FAT3: variants seen among roughly 807,000 people sequenced by gnomAD.
FAT3 encodes protocadherin Fat 3.
Under a neutral mutation model 310.2 loss-of-function variants are expected in FAT3, and 95 were observed. The observed-to-expected ratio is 0.31, with a 90% CI of 0.26 to 0.36. FAT3 has a LOEUF of 0.36. Among genes scored for constraint, FAT3 ranks in the 10% least tolerant of loss-of-function variants. The pLI is 1.00. For missense variants in FAT3, 5,408 were observed against 5,715.6 expected, an observed-to-expected ratio of 0.95 and a Z score of 1.74; for synonymous variants, 2,314 against 2,192.9, an observed-to-expected ratio of 1.06 and a Z score of -1.54.
intron 19 of FAT3, among the ~76,000 whole-genome samples, chr11:92,845,674 T>C (rs1948667515): frequency 6.6e-6 from 1 of 152,174 alleles, no homozygotes; most frequent in African/African-American, 2.4e-5. Flanking sequence ...ACTGCCCCCT[T>C]CTAAGAAAAT....
intron 3 of FAT3, among the ~76,000 whole-genome samples, chr11:92,555,422 G>A (rs1274828104): frequency 2.0e-5 from 3 of 152,196 alleles, no homozygotes; most frequent in African/African-American, 7.2e-5. Flanking sequence ...GTGGTTATTT[G>A]AAGATGTTTT....
In FAT3 at chr11:92,353,045, G is replaced by T; in HGVS notation, c.933G>T (p.Gln311His). ...TTGTGGCTGGGGATCCTTTAGATCA[G>T]TTCTTCCTGGCTAAGGAAGGAAAGT... ...VSIVAGDPLD[Q>H]FFLAKEGKWL... is the part of the protein sequence containing the mutation. Residue 311 changes from glutamine to histidine, a missense_variant, in exon 2 of 28, where the codon CAG becomes CAT. Around this residue, in one of 5 missense-constraint regions of FAT3, gnomAD observed 4,588 missense variants for 4,809.8 expected, o/e 0.95. Coordinates refer to ENST00000525166, the MANE Select transcript of FAT3 (RefSeq NM_001367949.2). 6.2e-7 allele frequency: 1 copy of T among 1,613,734 alleles called. No individual in the cohort carries two copies. Among genetic ancestry groups the T allele is most frequent in the Non-Finnish European group, 8.5e-7 (1 of 1,179,860 alleles).
chr11:92,544,136 G>C (rs1954543411), intron 3 of FAT3, among the ~76,000 whole-genome samples: 1 of 152,120 alleles, frequency 6.6e-6, no homozygotes, highest in Non-Finnish European at 1.5e-5. Flanking sequence ...TATTGGTTCT[G>C]TTTTGGGGCA....
At chr11:92,699,523 C>T (rs1337848931) in intron 4 of FAT3, among the ~76,000 whole-genome samples, 1 of 152,058 alleles carries the variant, frequency 6.6e-6, no homozygotes, top group Non-Finnish European at 1.5e-5. Context: ...GCTTGGGATT[C>T]GAAATGTTTA....
intron 3 of FAT3, among the ~76,000 whole-genome samples, chr11:92,668,330 A>C (rs1230966546): frequency 6.6e-6 from 1 of 152,254 alleles, no homozygotes; most frequent in Admixed American, 6.5e-5. Flanking sequence ...TATTCTGCAC[A>C]TAAAATAGAA....
At position 92,810,083 on chromosome 11, in the gene FAT3, C is replaced by T. The variant is rs1565616282; in HGVS notation, c.9481+7C>T. On this transcript the variant is annotated splice_region_variant and intron_variant, in intron 13 of 27. Coordinates refer to ENST00000525166, the MANE Select transcript of FAT3 (RefSeq NM_001367949.2). ...GCCGTGGACCCCGACATTGGTAAGT[C>T]AGTTGCAGGCATCTCCCTGTCACAC... The T allele has an allele frequency of 1.9e-6, 3 of 1,611,706 alleles. No homozygotes were observed. Among genetic ancestry groups the T allele is most frequent in the Middle Eastern group, 1.7e-4 (1 of 6,042 alleles).
intron 2 of FAT3, among the ~76,000 whole-genome samples, chr11:92,418,025 T>C (rs922309655): frequency 3.3e-5 from 5 of 152,194 alleles, no homozygotes; most frequent in African/African-American, 1.2e-4. Flanking sequence ...GTGGGAATTC[T>C]AGTCTCCTCA....
rs1949726157 is a variant in FAT3 at position 92,883,511 on chromosome 11, T to A, written c.12937+118T>A. ...CGCATGCAGAGCATTCGCTATGACA[T>A]GTGCTGATGTCGAATGTGCACACCA... On this transcript the variant is annotated intron_variant, in intron 24 of 27. Transcript: ENST00000525166. The surrounding 1 kb of genome is among the most constrained non-coding windows in gnomAD (Gnocchi z 4.2). The A allele has an allele frequency of 7.6e-7, 1 of 1,315,054 alleles. No homozygotes were observed. Among genetic ancestry groups the A allele is most frequent in the Admixed American group, 2.8e-5 (1 of 35,956 alleles). 81.5% of individuals were successfully genotyped at this position (1,315,054 alleles called of 1,614,324 possible).
chr11:92,710,449 A>G (rs1281012828), intron 4 of FAT3, among the ~76,000 whole-genome samples: 1 of 152,208 alleles, frequency 6.6e-6, no homozygotes, highest in Non-Finnish European at 1.5e-5. Flanking sequence ...TCTTCTCATT[A>G]GGTGAGAAAG....
intron 1 of FAT3, among the ~76,000 whole-genome samples, chr11:92,315,512 T>TATATATATAGAG (rs1353970811): frequency 3.9e-4 from 22 of 56,172 alleles, no homozygotes; most frequent in Non-Finnish European, 6.3e-4. Context: ...TATATATATA[T>TATATATATAGAG]AGAGAGAGAG....
At chr11:92,666,880 A>G (rs2071208543) in intron 3 of FAT3, among the ~76,000 whole-genome samples, 1 of 152,126 alleles carries the variant, frequency 6.6e-6, no homozygotes, top group Non-Finnish European at 1.5e-5. Context: ...CACACATCCC[A>G]TCTCCTCACA....
At chr11:92,249,852 G>A (rs1347297208) in intron 1 of FAT3, among the ~76,000 whole-genome samples, 1 of 151,996 alleles carries the variant, frequency 6.6e-6, no homozygotes, top group Non-Finnish European at 1.5e-5. Flanking sequence ...CCAAGAAGAG[G>A]ATTTAATATT....
intron 3 of FAT3, among the ~76,000 whole-genome samples, chr11:92,690,438 A>G (rs917195378): frequency 6.6e-6 from 1 of 152,206 alleles, no homozygotes; most frequent in African/African-American, 2.4e-5. Flanking sequence ...TAGCAGCACC[A>G]TGTGCTCAAT....
chr11:92,820,580 G>A (rs1947941230), intron 13 of FAT3, among the ~76,000 whole-genome samples: 1 of 152,066 alleles, frequency 6.6e-6, no homozygotes, highest in South Asian at 2.1e-4. Flanking sequence ...AGGCTCACAT[G>A]GTGAGGGGTC....
intron 2 of FAT3, among the ~76,000 whole-genome samples, chr11:92,417,902 A>G (rs552382174): frequency 6.6e-6 from 1 of 152,326 alleles, no homozygotes; most frequent in Non-Finnish European, 1.5e-5. Flanking sequence ...CCTTAAACTT[A>G]GGAGAGGACA....
intron 3 of FAT3, among the ~76,000 whole-genome samples, chr11:92,606,997 A>G (rs1940332190): frequency 6.6e-6 from 1 of 152,168 alleles, no homozygotes; most frequent in South Asian, 2.1e-4. Flanking sequence ...CTGCATCTTC[A>G]TCTTCTCTGT....
chr11:92,670,907 C>T (rs1943107838), intron 3 of FAT3, among the ~76,000 whole-genome samples: 2 of 152,022 alleles, frequency 1.3e-5, no homozygotes, highest in South Asian at 4.2e-4. Context: ...TCACTCCTTT[C>T]CTCAAAAACC....
intron 1 of FAT3, among the ~76,000 whole-genome samples, chr11:92,283,828 C>T (rs1050085402): frequency 5.9e-5 from 9 of 151,948 alleles, no homozygotes; most frequent in East Asian, 3.9e-4. Context: ...CTTGAGATGC[C>T]GCACCAGACA....
intron 19 of FAT3, among the ~76,000 whole-genome samples, chr11:92,856,332 T>C (rs1565653808): frequency 6.6e-6 from 1 of 152,190 alleles, no homozygotes; most frequent in Non-Finnish European, 1.5e-5. Flanking sequence ...TTTTTAAATT[T>C]GTGTCTCCTT....
Sources: allele counts gnomAD v4.1 joint callset (sites outside exome capture counted in the v4.1 genomes callset), GRCh38; gene constraint gnomAD v4.1.1; regional missense constraint gnomAD v4.1.1; non-coding constraint Gnocchi (gnomAD v3.1); transcripts MANE v1.5; gene names NCBI Gene and HGNC (gene_info 2026-07-23, HGNC 2026-07-21).